The following MRPS18C variants were observed in gnomAD, a reference collection of about 807,000 sequenced individuals.
MRPS18C encodes mitochondrial ribosomal protein S18C.
A neutral mutation model predicts 21.0 loss-of-function variants in MRPS18C; 21 were observed. The observed-to-expected ratio is 1.00, with a 90% CI of 0.71 to 1.44. The LOEUF is 1.44. MRPS18C is among the 40% of genes most tolerant of loss of function. The pLI is 0.00. For synonymous variants in MRPS18C, 65 were observed against 54.3 expected (o/e 1.20, Z -0.87); for missense variants, 152 against 171.5 (o/e 0.89, Z 0.64).
chr4:83,456,828 C>T (rs544855832), intron 1 of MRPS18C, 81 bp from the exon 2 acceptor site: 1 of 1,383,100 alleles, frequency 7.2e-7, no homozygotes, highest in Non-Finnish European at 1.0e-6. Context: ...CTTAATTCAT[C>T]CTGTCTCCAT....
At chr4:83,456,308 A>C (rs1721820596) in intron 1 of MRPS18C, 131 bp downstream of exon 1, 6 of 761,912 alleles carry the variant, frequency 7.9e-6, no homozygotes, top group Non-Finnish European at 1.1e-5. Flanking sequence ...GATGGGTGGG[A>C]ATCTGTAATT....
Position 83,459,739 on chromosome 4 carries a change from G to A in MRPS18C, c.235-1G>A, listed in dbSNP as rs763890388. 15 of 1,608,194 alleles carry A rather than the reference G, an allele frequency of 9.3e-6. No individual in the cohort carries two copies. The highest frequency in any genetic ancestry group is 1.3e-5 in the Non-Finnish European group (15 of 1,177,354). ...CCCCTCCACATAAAACTCCAAAACA[G>A]CTTTTGTCCCAGTTTGTTTCTCCAT... On this transcript the variant is annotated splice_acceptor_variant, in intron 3 of 5. Transcript: ENST00000295491. LOFTEE classifies it high-confidence loss of function.
Position 83,462,177 on chromosome 4 carries a change from G to C in MRPS18C, c.*980G>C, listed in dbSNP as rs1457561422. The stretch of plus-strand genomic sequence containing the variant: ...CTAAGTGCTGGGATTACAGGTGTGA[G>C]CCACTGTGCCTGGTCTCACTTTTCC... On this transcript the variant is annotated 3_prime_UTR_variant, in exon 6 of 6. Transcript: ENST00000295491. The C allele has an allele frequency of 2.9e-6, 1 of 346,324 alleles. No homozygotes were observed. Among genetic ancestry groups the C allele is most frequent in the Non-Finnish European group, 5.3e-6 (1 of 190,190 alleles). The allele number at this position is 346,324 out of a possible 1,614,324, so 21.5% of individuals were successfully genotyped here. A position where few individuals can be genotyped will look rare whatever the true frequency, so the allele number is the denominator to read the frequency against.
At chr4:83,460,405 T>G (rs1722043530) in intron 4 of MRPS18C, 1 of 152,212 alleles carries the variant, frequency 6.6e-6, no homozygotes, top group African/African-American at 2.4e-5. Context: ...TCCACCTGCC[T>G]AGGCCTCCCA....
intron 1 of MRPS18C, 55 bp downstream of exon 1, chr4:83,456,232 C>G: frequency 6.7e-7 from 1 of 1,485,666 alleles, no homozygotes; most frequent in Non-Finnish European, 9.4e-7. Flanking sequence ...TAACCTTAGT[C>G]CTAATGGTTA....
chr4:83,456,545 T>TATA (rs1721832076), intron 1 of MRPS18C, among the ~76,000 whole-genome samples: 1 of 152,210 alleles, frequency 6.6e-6, no homozygotes, highest in Admixed American at 6.5e-5. Context: ...TGTGCTTCTC[T>TATA]ATAAATTCTT....
chr4:83,456,534 C>T (rs1721831785), intron 1 of MRPS18C, among the ~76,000 whole-genome samples: 1 of 152,134 alleles, frequency 6.6e-6, no homozygotes, highest in African/African-American at 2.4e-5. Context: ...TTTATCTTCT[C>T]TGTGCTTCTC....
At position 83,461,426 on chromosome 4, in the gene MRPS18C, T is replaced by G; in HGVS notation, c.*229T>G. ...TGGTTCTGTGTGATTGTCATTTATA[T>G]CTGATCCCCAAATAGCTCATACAAT... On this transcript the variant is annotated 3_prime_UTR_variant, in exon 6 of 6. Coordinates refer to ENST00000295491, the MANE Select transcript of MRPS18C (RefSeq NM_016067.4). 2 of 486,662 alleles carry G rather than the reference T, an allele frequency of 4.1e-6. No individual in the cohort carries two copies. Among genetic ancestry groups the G allele is most frequent in the South Asian group, 2.4e-5 (1 of 41,630 alleles). 30.1% of individuals were successfully genotyped at this position (486,662 alleles called of 1,614,324 possible). A position where few individuals can be genotyped will look rare whatever the true frequency, so the allele number is the denominator to read the frequency against.
rs755793620 is a variant in MRPS18C at position 83,456,111 on chromosome 4, G to A, written c.34G>A (p.Gly12Arg). 1.1e-5 allele frequency: 18 copies of A among 1,612,892 alleles called. No homozygotes were observed. Among genetic ancestry groups the A allele is most frequent in the Non-Finnish European group, 1.5e-5 (18 of 1,180,030 alleles). ...TGTGGTTGCTGTTTGCGGTGGTCTA[G>A]GGAGGAAGAAGTTGACACACTTGGT... is the stretch of plus-strand genomic sequence containing the variant. ...AAVVAVCGGL[G>R]RKKLTHLVTA... The change falls in exon 1 of 6, where the codon GGG becomes AGG. Residue 12 changes from glycine (G) to arginine (R), a missense_variant. This residue lies in a region of MRPS18C where 118 missense variants were observed against 104.4 expected (regional missense o/e 1.13). Coordinates refer to ENST00000295491, the MANE Select transcript of MRPS18C (RefSeq NM_016067.4).
Position 83,460,820 on chromosome 4 carries a change from C to T in MRPS18C, c.293-153C>T, listed in dbSNP as rs1041425183. On this transcript the variant is annotated intron_variant, in intron 4 of 5. Coordinates refer to ENST00000295491, the MANE Select transcript of MRPS18C (RefSeq NM_016067.4). ...ACTAAGGAGGCTGAGGCAAGATAAT[C>T]GATTGAGCCTGGGTGGCGGAGGTTG... The T allele has an allele frequency of 5.9e-5, 37 of 623,022 alleles. No individual in the cohort carries two copies. In the Middle Eastern group the frequency reaches 1.3e-3, roughly 23 times the overall value. The allele number at this position is 623,022 out of a possible 1,614,324, so 38.6% of individuals were successfully genotyped here.
intron 4 of MRPS18C, chr4:83,460,525 TG>T (rs1032190156): frequency 5.9e-6 from 1 of 170,558 alleles, no homozygotes; most frequent in African/African-American, 2.4e-5. Context: ...CAGAGTTGAG[TG>T]GCAGTGATGG....
At position 83,456,121 on chromosome 4, in the gene MRPS18C, A is replaced by T. The variant is rs746557856; in HGVS notation, c.44A>T (p.Lys15Met). The T allele has an allele frequency of 1.3e-4, 217 of 1,613,144 alleles. No homozygotes were observed. The highest frequency in any genetic ancestry group is 1.8e-4 in the Non-Finnish European group (207 of 1,180,008). The stretch of plus-strand genomic sequence containing the variant: ...GTTTGCGGTGGTCTAGGGAGGAAGA[A>T]GTTGACACACTTGGTAACGGCTGCT... ...VAVCGGLGRK[K>M]LTHLVTAAVS... Residue 15 changes from lysine (K) to methionine (M), a missense_variant, in exon 1 of 6, where the codon AAG becomes ATG. This residue lies in a region of MRPS18C where 118 missense variants were observed against 104.4 expected (regional missense o/e 1.13). Transcript: ENST00000295491.
intron 2 of MRPS18C, chr4:83,457,921 G>A (rs1248927213): frequency 1.1e-5 from 2 of 184,076 alleles, no homozygotes; most frequent in South Asian, 1.1e-4. Context: ...ATTACAGTAA[G>A]TCATGGGCCA....
At chr4:83,460,849 T>C (rs754733491) in intron 4 of MRPS18C, 124 bp from the exon 5 acceptor site, 116 of 759,476 alleles carry the variant, frequency 1.5e-4, no homozygotes, top group Non-Finnish European at 1.9e-4. Flanking sequence ...GAGGTTGCAG[T>C]GAGGCGAGAG....
chr4:83,460,738 T>C (rs1216746010), intron 4 of MRPS18C: 4 of 439,020 alleles, frequency 9.1e-6, no homozygotes, highest in Non-Finnish European at 1.7e-5. Context: ...ACCCCGTTTC[T>C]ACTACAAATA....
In MRPS18C at chr4:83,457,025, C is replaced by T. The variant is rs561251233; in HGVS notation, c.150+67C>T. On this transcript the variant is annotated intron_variant, in intron 2 of 5. Coordinates refer to ENST00000295491, the MANE Select transcript of MRPS18C (RefSeq NM_016067.4). ...GACCAAAATGTTTTTCTTTTTAAAACGAGATCTGGTATTAGACTCTAACAT... is the reference window on the plus strand; with the variant it reads ...GACCAAAATGTTTTTCTTTTTAAAATGAGATCTGGTATTAGACTCTAACAT... The T allele has an allele frequency of 1.0e-4, 140 of 1,369,034 alleles. No individual in the cohort carries two copies. In the African/African-American group the frequency reaches 1.5e-3, roughly 15 times the overall value. 84.8% of individuals were successfully genotyped at this position (1,369,034 alleles called of 1,614,324 possible).
chr4:83,460,245 C>T (rs986450721), intron 4 of MRPS18C: 1 of 152,214 alleles, frequency 6.6e-6, no homozygotes, highest in Non-Finnish European at 1.5e-5. Flanking sequence ...GCAACCTCTG[C>T]CTCCTGGGTT....
In MRPS18C at chr4:83,458,473, TGATA is replaced by T. The variant is rs148210947; in HGVS notation, c.234+48_234+51del. ...TCACTATATTTTAGGGTTTTGCTTC[TGATA>T]GATCTGCTTAAAGAGAATCAAGTCA... On this transcript the variant is annotated intron_variant, in intron 3 of 5. Transcript: ENST00000295491. The T allele has an allele frequency of 4.8e-3, 6,772 of 1,417,714 alleles. 250 individuals are homozygous for T. The African/African-American group carries it at 0.084, about 18-fold the overall frequency. 87.8% of individuals were successfully genotyped at this position (1,417,714 alleles called of 1,614,324 possible).
chr4:83,457,415 G>A (rs1031524503), intron 2 of MRPS18C: 2 of 154,394 alleles, frequency 1.3e-5, no homozygotes. Flanking sequence ...GAAAGCACAG[G>A]TTCTTGCTAC....
Sources: gnomAD v4.1 joint callset for allele counts (sites outside exome capture counted in the v4.1 genomes callset) on GRCh38, gnomAD v4.1.1 for gene constraint, gnomAD v4.1.1 regional missense constraint, MANE v1.5 for transcripts, NCBI Gene and HGNC (gene_info 2026-07-23, HGNC 2026-07-21) for gene names.